The following BICC1 variants were observed in gnomAD, a reference collection of about 807,000 sequenced individuals.
The protein encoded by BICC1 is protein bicaudal C homolog 1.
BICC1 carries 43 observed loss-of-function variants against 111.0 expected under a neutral mutation model. That is an observed-to-expected ratio of 0.39 (90% CI 0.30 to 0.50). BICC1 has a LOEUF of 0.50. Among genes scored for constraint, BICC1 ranks in the 20% least tolerant of loss-of-function variants. The probability of loss-of-function intolerance (pLI) is 0.88; values close to 1 mark genes in which losing one functional copy is unlikely to be tolerated. For synonymous variants in BICC1, 467 were observed against 434.4 expected (o/e 1.07, Z -0.93); for missense variants, 1,091 against 1,203.2 (o/e 0.91, Z 1.38).
At chr10:58,519,792 A>G (rs1267091915) in intron 1 of BICC1, among the ~76,000 whole-genome samples, 2 of 152,118 alleles carry the variant, frequency 1.3e-5, no homozygotes, top group Non-Finnish European at 2.9e-5. Context: ...ATCTAGGACC[A>G]CTGAGTACTG....
intron 1 of BICC1, among the ~76,000 whole-genome samples, chr10:58,514,156 C>T (rs1222729835): frequency 6.6e-6 from 1 of 152,138 alleles, no homozygotes; most frequent in Non-Finnish European, 1.5e-5. Context: ...GAGTGAACGT[C>T]AAAACGTCCA....
At chr10:58,765,922 C>T (rs1842443951) in intron 3 of BICC1, among the ~76,000 whole-genome samples, 1 of 152,156 alleles carries the variant, frequency 6.6e-6, no homozygotes, top group South Asian at 2.1e-4. Context: ...TTGAAAGCTG[C>T]CAGTGAATCC....
intron 3 of BICC1, among the ~76,000 whole-genome samples, chr10:58,703,306 G>GCGC (rs3076279): frequency 0.94 from 142,985 of 151,748 alleles, 67,788 homozygotes; most frequent in Middle Eastern, 1. Flanking sequence ...GGGACTATAG[G>GCGC]ACACCACCAT....
At chr10:58,708,914 G>C (rs949803124) in intron 3 of BICC1, among the ~76,000 whole-genome samples, 2 of 152,084 alleles carry the variant, frequency 1.3e-5, no homozygotes, top group East Asian at 1.9e-4. Flanking sequence ...AAATGATTTG[G>C]GGGCTACTTT....
chr10:58,603,375 C>T (rs950765443), intron 1 of BICC1, among the ~76,000 whole-genome samples: 6 of 152,080 alleles, frequency 3.9e-5, no homozygotes, highest in Non-Finnish European at 8.8e-5. Flanking sequence ...TTGAGACTTA[C>T]CTGTGTGTAA....
chr10:58,793,570 T>C lies in BICC1; in HGVS notation c.1134T>C (p.Leu378=), dbSNP rs371548144. ...TCATTGCGCAGTTGATGGAACAGCT[T>C]GATGTCTTCATCAGTATTAAACCAA... is the stretch of plus-strand genomic sequence containing the variant. ...PQFIAQLMEQ[L]DVFISIKPKP... The change falls in exon 9 of 21, where the codon CTT becomes CTC. Residue 378 remains leucine, a synonymous_variant. Coordinates refer to ENST00000373886, the MANE Select transcript of BICC1 (RefSeq NM_001080512.3). 5 of 1,613,890 alleles carry C rather than the reference T, an allele frequency of 3.1e-6. No homozygotes were observed. Among genetic ancestry groups the C allele is most frequent in the Non-Finnish European group, 4.2e-6 (5 of 1,179,944 alleles).
chr10:58,761,740 A>G (rs2132684687), intron 3 of BICC1, among the ~76,000 whole-genome samples: 1 of 152,260 alleles, frequency 6.6e-6, no homozygotes, highest in African/African-American at 2.4e-5. Flanking sequence ...ACTGAAAAGT[A>G]AGGACTGGCA....
At chr10:58,514,976 G>A (rs771057477) in intron 1 of BICC1, among the ~76,000 whole-genome samples, 29 of 152,326 alleles carry the variant, frequency 1.9e-4, no homozygotes, top group Non-Finnish European at 2.8e-4. Flanking sequence ...TGATATGAAA[G>A]AATGATCTGT....
chr10:58,731,654 T>C (rs939267569), intron 3 of BICC1, among the ~76,000 whole-genome samples: 3 of 151,912 alleles, frequency 2.0e-5, no homozygotes, highest in Non-Finnish European at 4.4e-5. Context: ...CTTGTACTCA[T>C]GGCGGAAGGC....
chr10:58,799,350 C>T (rs1375348472), intron 12 of BICC1, 98 bp downstream of exon 12: 1 of 901,686 alleles, frequency 1.1e-6, no homozygotes, highest in African/African-American at 1.7e-5. Flanking sequence ...TGTGTGTGAT[C>T]TCTGCTGTTT....
chr10:58,569,509 T>C (rs976718307), intron 1 of BICC1, among the ~76,000 whole-genome samples: 10 of 152,168 alleles, frequency 6.6e-5, no homozygotes, highest in African/African-American at 2.4e-4. Flanking sequence ...ATCATCTACA[T>C]TAGGTATTTC....
chr10:58,665,657 A>G (rs1838985627), intron 2 of BICC1, among the ~76,000 whole-genome samples: 1 of 152,174 alleles, frequency 6.6e-6, no homozygotes, highest in South Asian at 2.1e-4. Context: ...TACACTGTGA[A>G]TCACTAAGGG....
chr10:58,671,437 G>A (rs1016192872), intron 2 of BICC1, among the ~76,000 whole-genome samples: 1 of 152,062 alleles, frequency 6.6e-6, no homozygotes, highest in Admixed American at 6.6e-5. Flanking sequence ...GCAGGCTGGA[G>A]GGAGACACAA....
chr10:58,738,540 C>A (rs1197202619), intron 3 of BICC1, among the ~76,000 whole-genome samples: 1 of 151,988 alleles, frequency 6.6e-6, no homozygotes, highest in Non-Finnish European at 1.5e-5. Context: ...CAGCTTTGTT[C>A]TTTTGGCTTA....
chr10:58,747,535 G>T (rs901453041), intron 3 of BICC1, among the ~76,000 whole-genome samples: 2 of 151,982 alleles, frequency 1.3e-5, no homozygotes, highest in African/African-American at 2.4e-5. Flanking sequence ...ATGATGTTTT[G>T]ATATATGTAT....
chr10:58,552,475 A>G (rs1843321513), intron 1 of BICC1, among the ~76,000 whole-genome samples: 1 of 152,020 alleles, frequency 6.6e-6, no homozygotes, highest in Admixed American at 6.6e-5. Context: ...AGCTGGGACT[A>G]CAGGTGCCCG....
At chr10:58,566,718 G>A (rs1053879792) in intron 1 of BICC1, among the ~76,000 whole-genome samples, 4 of 151,896 alleles carry the variant, frequency 2.6e-5, no homozygotes, top group Non-Finnish European at 5.9e-5. Context: ...AGGTTGTATC[G>A]CATCATGGTT....
intron 1 of BICC1, among the ~76,000 whole-genome samples, chr10:58,608,798 A>G (rs1845319382): frequency 6.6e-6 from 1 of 152,230 alleles, no homozygotes; most frequent in South Asian, 2.1e-4. Context: ...TTCTGGTTCC[A>G]TAACTTTTAT....
rs1370838746 is a variant in BICC1, at chr10:58,513,248, G to A, written c.105G>A (p.Leu35=). 1.2e-6 allele frequency: 2 copies of A among 1,613,096 alleles called. No homozygotes were observed. The highest frequency in any genetic ancestry group is 1.7e-6 in the Non-Finnish European group (2 of 1,179,678). Residue 35 remains leucine (L), a synonymous_variant, in exon 1 of 21, where the codon TTG becomes TTA. Transcript: ENST00000373886. ...DSPVPGSEDD[L]VAGATLHSPE... ...CAGTGCCCGGCTCCGAGGACGACTT[G>A]GTCGCCGGGGCGACCCTGCACAGCC...
Sources: gnomAD v4.1 joint callset for allele counts (sites outside exome capture counted in the v4.1 genomes callset) on GRCh38, gnomAD v4.1.1 for gene constraint, MANE v1.5 for transcripts, NCBI Gene and HGNC (gene_info 2026-07-23, HGNC 2026-07-21) for gene names.